Variants in ROBO1 observed in about 807,000 individuals in gnomAD.
The protein encoded by ROBO1 is roundabout guidance receptor 1.
A neutral mutation model predicts 195.9 loss-of-function variants in ROBO1; 149 were observed. The ratio of observed to expected loss-of-function variants is 0.76; its 90% CI spans 0.67 to 0.87. The LOEUF is 0.87. Ranked by LOEUF, ROBO1 falls within the 40% of genes least tolerant of loss-of-function variation. ROBO1 has a pLI of 0.00. For synonymous variants in ROBO1, 816 were observed against 733.2 expected, an observed-to-expected ratio of 1.11 and a Z score of -1.82; for missense variants, 1,933 against 2,068.3, an observed-to-expected ratio of 0.93 and a Z score of 1.27.
intron 2 of ROBO1, among the ~76,000 whole-genome samples, chr3:79,374,435 C>T (rs1302087489): frequency 6.6e-6 from 1 of 151,994 alleles, no homozygotes; most frequent in African/African-American, 2.4e-5. Flanking sequence ...GGAAATCTCC[C>T]CTCAAGCTAC....
At chr3:79,312,534 A>G (rs1195228167) in intron 2 of ROBO1, among the ~76,000 whole-genome samples, 2 of 152,234 alleles carry the variant, frequency 1.3e-5, no homozygotes, top group African/African-American at 2.4e-5. Context: ...TGAAAAGTAT[A>G]TCTCTCCTTC....
chr3:78,909,761 C>G (rs2038138058), intron 4 of ROBO1, among the ~76,000 whole-genome samples: 1 of 151,396 alleles, frequency 6.6e-6, no homozygotes, highest in Non-Finnish European at 1.5e-5. Context: ...AGAGAAAAAT[C>G]TAGGGAAAAA....
intron 2 of ROBO1, among the ~76,000 whole-genome samples, chr3:79,137,194 G>A (rs2080427009): frequency 6.6e-6 from 1 of 152,044 alleles, no homozygotes; most frequent in African/African-American, 2.4e-5. Context: ...TAGCCTTGAT[G>A]TAAAATCTGT....
intron 1 of ROBO1, among the ~76,000 whole-genome samples, chr3:79,666,201 T>C (rs1375715873): frequency 1.3e-5 from 2 of 151,920 alleles, no homozygotes; most frequent in Non-Finnish European, 2.9e-5. Flanking sequence ...CATTAATTTA[T>C]ACAATCTGGC....
intron 4 of ROBO1, among the ~76,000 whole-genome samples, chr3:78,841,231 T>C (rs2033179053): frequency 6.6e-6 from 1 of 152,104 alleles, no homozygotes; most frequent in Non-Finnish European, 1.5e-5. Flanking sequence ...AAAACTAAAT[T>C]ACTGTCAACT....
At chr3:79,175,823 C>G (rs1401894940) in intron 2 of ROBO1, among the ~76,000 whole-genome samples, 2 of 152,160 alleles carry the variant, frequency 1.3e-5, no homozygotes, top group Non-Finnish European at 2.9e-5. Flanking sequence ...TTATTTGACC[C>G]ACTCTTATTT....
intron 2 of ROBO1, among the ~76,000 whole-genome samples, chr3:79,537,037 A>ACTT (rs1559973548): frequency 6.6e-6 from 1 of 150,890 alleles, no homozygotes; most frequent in Non-Finnish European, 1.5e-5. Flanking sequence ...AAGAAACAAT[A>ACTT]TTTTTTTTTA....
intron 1 of ROBO1, among the ~76,000 whole-genome samples, chr3:79,621,049 C>A (rs1031304893): frequency 1.3e-4 from 20 of 152,064 alleles, no homozygotes; most frequent in Admixed American, 1.2e-3. Context: ...TTATTCTGTT[C>A]TAGATATCAA....
At chr3:78,966,147 C>A (rs2076639369) in intron 3 of ROBO1, among the ~76,000 whole-genome samples, 1 of 152,168 alleles carries the variant, frequency 6.6e-6, no homozygotes, top group East Asian at 1.9e-4. Context: ...GAGTCTAATG[C>A]CTGATGATCT....
intron 2 of ROBO1, among the ~76,000 whole-genome samples, chr3:79,283,801 C>G (rs1227655246): frequency 6.6e-6 from 1 of 151,388 alleles, no homozygotes; most frequent in Admixed American, 6.6e-5. Flanking sequence ...GGGTTCACGC[C>G]ATTCTCCTGC....
intron 1 of ROBO1, among the ~76,000 whole-genome samples, chr3:79,747,316 G>A (rs976081494): frequency 1.3e-5 from 2 of 151,924 alleles, no homozygotes; most frequent in African/African-American, 4.8e-5. Context: ...GGTTTGAAAT[G>A]GTAATATAGA....
chr3:79,214,614 C>G lies in ROBO1; in HGVS notation c.89-89075G>C, dbSNP rs921048244. On this transcript the variant is annotated intron_variant, in intron 2 of 30. Transcript: ENST00000464233. ...ATGTTAACTTAGGGAAAAGAAAAAA[C>G]AAAAAACAAAAACACTTAGGAGGTG... 2.0e-5 allele frequency among the ~76,000 whole-genome samples: 3 copies of G among 151,562 alleles called. No individual in the cohort carries two copies. In the South Asian group the frequency reaches 6.2e-4, roughly 31 times the overall value.
At chr3:78,878,268 T>C (rs1451150332) in intron 4 of ROBO1, among the ~76,000 whole-genome samples, 2 of 151,922 alleles carry the variant, frequency 1.3e-5, no homozygotes, top group Non-Finnish European at 2.9e-5. Flanking sequence ...TGCAAGATAC[T>C]AAAAAGCTGT....
At chr3:78,631,982 T>C (rs1705213771) in intron 24 of ROBO1, among the ~76,000 whole-genome samples, 1 of 152,196 alleles carries the variant, frequency 6.6e-6, no homozygotes, top group African/African-American at 2.4e-5. Flanking sequence ...AGTGCTCCAG[T>C]GTTCTCATTT....
chr3:79,526,862 T>C (rs370992899), intron 2 of ROBO1, among the ~76,000 whole-genome samples: 7 of 152,300 alleles, frequency 4.6e-5, no homozygotes, highest in East Asian at 1.9e-4. Context: ...TTAATAAAAA[T>C]GTGTCAAACA....
intron 2 of ROBO1, among the ~76,000 whole-genome samples, chr3:79,277,484 T>C (rs1476172552): frequency 2.0e-5 from 3 of 151,964 alleles, no homozygotes; most frequent in African/African-American, 7.2e-5. Flanking sequence ...AGGGTAGTGA[T>C]GTGGGGAGGA....
chr3:79,526,971 C>A (rs1453018890), intron 2 of ROBO1, among the ~76,000 whole-genome samples: 2 of 152,018 alleles, frequency 1.3e-5, no homozygotes, highest in Non-Finnish European at 1.5e-5. Flanking sequence ...TATCACTATT[C>A]CTATACAGAT....
intron 3 of ROBO1, among the ~76,000 whole-genome samples, chr3:79,021,647 G>A (rs1222441337): frequency 1.6e-5 from 2 of 122,682 alleles, no homozygotes; most frequent in Admixed American, 1.1e-4. Context: ...CACTCCTAGA[G>A]ATGATTTTTT....
At chr3:79,018,686 C>A in intron 3 of ROBO1, 1 of 1,359,412 alleles carries the variant, frequency 7.4e-7, no homozygotes, top group Non-Finnish European at 9.5e-7. Flanking sequence ...CTTCTCCGGC[C>A]CCAGGATTTC....
Sources: gnomAD v4.1 joint callset for allele counts (sites outside exome capture counted in the v4.1 genomes callset) on GRCh38, gnomAD v4.1.1 for gene constraint, MANE v1.5 for transcripts, NCBI Gene and HGNC (gene_info 2026-07-23, HGNC 2026-07-21) for gene names.